The following KIRREL1 variants were observed in gnomAD, a reference collection of about 807,000 sequenced individuals.
KIRREL1 encodes the protein kin of IRRE-like protein 1.
In KIRREL1, 25 loss-of-function variants were observed where a neutral mutation model predicts 83.3. That is an observed-to-expected ratio of 0.30 (90% confidence interval 0.22 to 0.42). The LOEUF is 0.42. KIRREL1 is among the 10% of genes least tolerant of loss of function. KIRREL1 has a pLI of 1.00. For missense variants in KIRREL1, 812 were observed against 1,032.3 expected (o/e 0.79, Z 2.92); for synonymous variants, 388 against 410.4 (o/e 0.95, Z 0.66).
intron 1 of KIRREL1, among the ~76,000 whole-genome samples, chr1:157,997,511 GA>G (rs1362676919): frequency 6.6e-6 from 1 of 151,926 alleles, no homozygotes; most frequent in African/African-American, 2.4e-5. Context: ...CAGCTCCCCA[GA>G]TTCTTGGTCC....
Position 158,096,466 on chromosome 1 carries a change from G to T in KIRREL1, c.*1346G>T. 1 of 401,258 alleles carries T rather than the reference G, an allele frequency of 2.5e-6. No homozygotes were observed. 24.9% of individuals were successfully genotyped at this position (401,258 alleles called of 1,614,324 possible). The stretch of plus-strand genomic sequence containing the variant: ...ACCGACCCTATGTGGGCGGTTGTGT[G>T]GGGAGTGGGTACTTGTGAGCCTCGG... On this transcript the variant is annotated 3_prime_UTR_variant, in exon 15 of 15. Transcript: ENST00000359209.
chr1:158,036,111 TTG>T (rs1178640030), intron 1 of KIRREL1, among the ~76,000 whole-genome samples: 4 of 152,168 alleles, frequency 2.6e-5, no homozygotes, highest in Non-Finnish European at 4.4e-5. Flanking sequence ...TGTAGTTTGT[TTG>T]TGTTTTGATA....
At chr1:158,080,072 C>T (rs184964959) in intron 3 of KIRREL1, among the ~76,000 whole-genome samples, 1 of 152,184 alleles carries the variant, frequency 6.6e-6, no homozygotes, top group Admixed American at 6.5e-5. Flanking sequence ...TCTTGAATGC[C>T]AAGACATCAT....
chr1:158,034,282 A>AG (rs904218479), intron 1 of KIRREL1, among the ~76,000 whole-genome samples: 1 of 126,588 alleles, frequency 7.9e-6, no homozygotes, highest in Non-Finnish European at 1.7e-5. Context: ...AAAAAAAAAA[A>AG]AAAAGAAAAA....
At chr1:158,089,878 C>G (rs1662141796) in intron 10 of KIRREL1, 60 bp downstream of exon 10, 12 of 1,427,970 alleles carry the variant, frequency 8.4e-6, no homozygotes, top group African/African-American at 1.4e-5. Context: ...CCAGGCCCAG[C>G]CTCCTCTCAC....
At position 158,094,403 on chromosome 1, in the gene KIRREL1, G is replaced by T; in HGVS notation, c.1797+13G>T. On this transcript the variant is annotated intron_variant, in intron 14 of 14. Coordinates refer to ENST00000359209, the MANE Select transcript of KIRREL1 (RefSeq NM_018240.7). The surrounding 1 kb of genome is among the most constrained non-coding windows in gnomAD (Gnocchi z 4.6). ...GTATGAGATGAAGGTGGGAAAGGGG[G>T]AAGGGGCCAGGGCATGAGGGCTGGT... 1.2e-6 allele frequency: 2 copies of T among 1,611,658 alleles called. No homozygotes were observed. The highest frequency in any genetic ancestry group is 1.7e-6 in the Non-Finnish European group (2 of 1,178,818).
intron 13 of KIRREL1, 71 bp downstream of exon 13, chr1:158,093,833 T>G: frequency 8.1e-5 from 125 of 1,541,446 alleles, no homozygotes; most frequent in Non-Finnish European, 1.0e-4. Context: ...CCCAGATCTC[T>G]AATAACCGCG....
intron 1 of KIRREL1, among the ~76,000 whole-genome samples, chr1:158,043,329 G>A (rs1262112094): frequency 1.3e-5 from 2 of 152,146 alleles, no homozygotes; most frequent in Non-Finnish European, 2.9e-5. Context: ...CCCCCCTTAT[G>A]GAAAGAGTGG....
chr1:158,012,478 G>T (rs1659715684), intron 1 of KIRREL1, among the ~76,000 whole-genome samples: 1 of 152,174 alleles, frequency 6.6e-6, no homozygotes, highest in African/African-American at 2.4e-5. Flanking sequence ...GTGTGGCTTG[G>T]TACCTGAGAC....
intron 1 of KIRREL1, among the ~76,000 whole-genome samples, chr1:158,012,031 T>C (rs1659704042): frequency 6.6e-6 from 1 of 152,146 alleles, no homozygotes; most frequent in South Asian, 2.1e-4. Context: ...CCTCAAACTT[T>C]GATTCCTGGG....
In KIRREL1 at chr1:158,097,320, C is replaced by T. The variant is rs1662380566; in HGVS notation, c.*2200C>T. ...TAAAGATGGTGGCTTTTAAAACATGCATATTCCAAAAAGAATTCATTTTTG... is the reference window on the plus strand; with the variant it reads ...TAAAGATGGTGGCTTTTAAAACATGTATATTCCAAAAAGAATTCATTTTTG... On this transcript the variant is annotated 3_prime_UTR_variant, in exon 15 of 15. Coordinates refer to ENST00000359209, the MANE Select transcript of KIRREL1 (RefSeq NM_018240.7). 3.3e-6 allele frequency: 1 copy of T among 307,670 alleles called. No homozygotes were observed. The highest frequency in any genetic ancestry group is 2.2e-5 in the African/African-American group (1 of 45,610). 19.1% of individuals were successfully genotyped at this position (307,670 alleles called of 1,614,324 possible).
In KIRREL1 at chr1:158,027,408, A is replaced by G. The variant is rs78543760; in HGVS notation, c.52+33680A>G. Among the ~76,000 whole-genome samples, 1,302 of 152,300 alleles carry G rather than the reference A, an allele frequency of 8.5e-3. 10 individuals are homozygous for G. The highest frequency in any genetic ancestry group is 0.014 in the Non-Finnish European group (936 of 68,026). On this transcript the variant is annotated intron_variant, in intron 1 of 14. Transcript: ENST00000359209. ...TTGGGGTTTATGAAGGCTTCATTAC[A>G]TAGGCATGATTAATGAAACCATTGG...
At chr1:158,091,800 C>T (rs1428980555) in intron 11 of KIRREL1, among the ~76,000 whole-genome samples, 1 of 152,214 alleles carries the variant, frequency 6.6e-6, no homozygotes, top group Admixed American at 6.5e-5. Flanking sequence ...GGGGCCTTCC[C>T]TCCAGAACCT....
chr1:158,097,356 G>C lies in KIRREL1; in HGVS notation c.*2236G>C, dbSNP rs1222435596. On this transcript the variant is annotated 3_prime_UTR_variant, in exon 15 of 15. Coordinates refer to ENST00000359209, the MANE Select transcript of KIRREL1 (RefSeq NM_018240.7). ...AAGAATTCATTTTTGTTTTGGGTTT[G>C]GCTAGATTCTCTTATTTATCCCCTT... 2 of 297,252 alleles carry C rather than the reference G, an allele frequency of 6.7e-6. No homozygotes were observed. The highest frequency in any genetic ancestry group is 1.9e-4 in the East Asian group (2 of 10,606). The allele number at this position is 297,252 out of a possible 1,614,324, so 18.4% of individuals were successfully genotyped here. A position where few individuals can be genotyped will look rare whatever the true frequency, so the allele number is the denominator to read the frequency against.
At chr1:157,997,468 G>GGT (rs58719060) in intron 1 of KIRREL1, among the ~76,000 whole-genome samples, 87,872 of 149,580 alleles carry the variant, frequency 0.59, 27,557 homozygotes, top group South Asian at 0.75. Flanking sequence ...TTCTTTGTGG[G>GGT]GTGTGTGTGT....
intron 3 of KIRREL1, 139 bp downstream of exon 3, chr1:158,078,279 A>C: frequency 1.0e-6 from 1 of 985,220 alleles, no homozygotes; most frequent in Non-Finnish European, 1.5e-6. Flanking sequence ...CTAATGCTCA[A>C]GTCCAGGTAG....
chr1:158,094,349 C>A lies in KIRREL1; in HGVS notation c.1756C>A (p.Arg586Ser), dbSNP rs143303568. The A allele has an allele frequency of 7.3e-5, 117 of 1,611,804 alleles. No homozygotes were observed. The African/African-American group carries it at 1.2e-3, about 17-fold the overall frequency. The change falls in exon 14 of 15, where the codon CGC becomes AGC. Residue 586 changes from arginine to serine, a missense_variant. Coordinates refer to ENST00000359209, the MANE Select transcript of KIRREL1 (RefSeq NM_018240.7). The surrounding 1 kb of genome is among the most constrained non-coding windows in gnomAD (Gnocchi z 4.6). ...TGATGTGGATCTGAAGCAGGACCTG[C>A]GCTGCGACACCATCGACACCCGGGA... ...KDDVDLKQDL[R>S]CDTIDTREEY...
At chr1:158,066,354 A>T (rs1661357826) in intron 1 of KIRREL1, among the ~76,000 whole-genome samples, 1 of 152,100 alleles carries the variant, frequency 6.6e-6, no homozygotes, top group Non-Finnish European at 1.5e-5. Context: ...TTCATACCAT[A>T]GTGTCCTCTT....
intron 1 of KIRREL1, among the ~76,000 whole-genome samples, chr1:158,036,980 G>A (rs1660492487): frequency 6.6e-6 from 1 of 152,178 alleles, no homozygotes; most frequent in Non-Finnish European, 1.5e-5. Flanking sequence ...GGACTTCGAT[G>A]GAGCCTGAGA....
Sources: allele counts gnomAD v4.1 joint callset (sites outside exome capture counted in the v4.1 genomes callset), GRCh38; gene constraint gnomAD v4.1.1; non-coding constraint Gnocchi (gnomAD v3.1); transcripts MANE v1.5; gene names NCBI Gene and HGNC (gene_info 2026-07-23, HGNC 2026-07-21).